Variants in BAIAP2L2 observed in about 807,000 individuals in gnomAD.
BAIAP2L2 encodes the protein BAR/IMD domain-containing adapter protein 2-like 2.
Under a neutral mutation model 60.4 loss-of-function variants are expected in BAIAP2L2, and 65 were observed. That is an observed-to-expected ratio of 1.08 (90% confidence interval 0.88 to 1.32). The LOEUF (loss-of-function observed/expected upper bound fraction) is 1.32. BAIAP2L2 is among the 40% of genes most tolerant of loss of function. BAIAP2L2 has a pLI of 0.00. For synonymous variants in BAIAP2L2, 344 were observed against 301.7 expected (o/e 1.14, Z -1.45); for missense variants, 836 against 741.2 (o/e 1.13, Z -1.48).
At chr22:38,086,660 G>A (rs752303059) in intron 11 of BAIAP2L2, among the ~76,000 whole-genome samples, 32 of 152,076 alleles carry the variant, frequency 2.1e-4, no homozygotes, top group African/African-American at 6.5e-4. Flanking sequence ...GCTCAGGGCC[G>A]GTGGTTCTCC....
intron 1 of BAIAP2L2, among the ~76,000 whole-genome samples, chr22:38,109,567 G>T (rs2086750195): frequency 6.6e-6 from 1 of 152,178 alleles, no homozygotes; most frequent in Non-Finnish European, 1.5e-5. Flanking sequence ...ACTGGGCACG[G>T]CTCAGCCCTG....
Position 38,098,461 on chromosome 22 carries a change from G to A in BAIAP2L2, c.298C>T (p.Leu100=), listed in dbSNP as rs1178029993. ...EVVVQTFHGG[L]LQHMEKNTKL... ...GTGTTCTTCTCCATGTGCTGCAGCA[G>A]GCCTCCATGGAATGTCTGCACCTGA... Residue 100 remains leucine (L), a synonymous_variant, in exon 5 of 14, where the codon CTG becomes TTG. Coordinates refer to ENST00000381669, the MANE Select transcript of BAIAP2L2 (RefSeq NM_025045.6). 1 of 1,613,814 alleles carries A rather than the reference G, an allele frequency of 6.2e-7. No individual in the cohort carries two copies.
In BAIAP2L2 at chr22:38,087,164, G is replaced by GTGTCAT. The variant is rs1555961923; in HGVS notation, c.1218_1219insATGACA (p.Ser406_Pro407insMetThr). 72 of 1,564,482 alleles carry GTGTCAT rather than the reference G, an allele frequency of 4.6e-5. 1 individual carries two copies. The highest frequency in any genetic ancestry group is 9.1e-5 in the East Asian group (4 of 43,850). Reference sequence around the variant, plus strand: ...TTCCCGGGGTTCATGGGTGTCATGGGGGACATGGAGGTCATGGAGGTCATG... The same window carrying GTGTCAT: ...TTCCCGGGGTTCATGGGTGTCATGGGTGTCATGGACATGGAGGTCATGGAGGTCATG... On this transcript the variant is annotated inframe_insertion, in exon 11 of 14. Transcript: ENST00000381669.
At chr22:38,103,353 C>T (rs2086603009) in intron 4 of BAIAP2L2, among the ~76,000 whole-genome samples, 2 of 152,164 alleles carry the variant, frequency 1.3e-5, no homozygotes, top group South Asian at 4.1e-4. Flanking sequence ...CGTTGCACAG[C>T]CACCAAAAAA....
intron 1 of BAIAP2L2, 82 bp downstream of exon 1, chr22:38,110,393 G>T (rs2086818711): frequency 7.1e-7 from 1 of 1,401,130 alleles, no homozygotes; most frequent in Non-Finnish European, 9.9e-7. Flanking sequence ...GCCCCGGCTG[G>T]CCCTCCGTCC....
At chr22:38,087,083 C>T (rs775500327) in intron 11 of BAIAP2L2, 41 bp downstream of exon 11, 44 of 1,486,508 alleles carry the variant, frequency 3.0e-5, no homozygotes, top group Non-Finnish European at 3.5e-5. Context: ...ACACCCTTGC[C>T]GGCGTCCTCA....
intron 4 of BAIAP2L2, among the ~76,000 whole-genome samples, chr22:38,099,405 G>A (rs1810455): frequency 0.35 from 53,581 of 151,876 alleles, 10,602 homozygotes; most frequent in South Asian, 0.53. Context: ...ATGGTGGTGC[G>A]TGCCTGTAAT....
intron 3 of BAIAP2L2, 150 bp from the exon 4 acceptor site, chr22:38,108,063 C>G (rs1239986420): frequency 9.8e-7 from 1 of 1,019,980 alleles, no homozygotes; most frequent in Non-Finnish European, 1.5e-6. Flanking sequence ...TCTCTGGGAG[C>G]CAGGCCATGT....
intron 11 of BAIAP2L2, 77 bp from the exon 12 acceptor site, chr22:38,086,526 C>G: frequency 8.4e-7 from 1 of 1,187,058 alleles, no homozygotes; most frequent in Admixed American, 3.0e-5. Context: ...AGCTGGGGCA[C>G]CTTAGGCAGG....
upstream of BAIAP2L2, among the ~76,000 whole-genome samples, chr22:38,110,941 G>A (rs551538003): frequency 3.3e-5 from 5 of 152,264 alleles, no homozygotes; most frequent in Non-Finnish European, 5.9e-5. Flanking sequence ...CTGGGCGGGC[G>A]CTGCCCGATG....
intron 4 of BAIAP2L2, among the ~76,000 whole-genome samples, chr22:38,102,763 G>A (rs2086591481): frequency 6.6e-6 from 1 of 151,850 alleles, no homozygotes; most frequent in African/African-American, 2.4e-5. Flanking sequence ...GGCACGGCCG[G>A]GTGCGGTGGC....
intron 2 of BAIAP2L2, 72 bp from the exon 3 acceptor site, chr22:38,108,413 G>T: frequency 8.3e-7 from 1 of 1,211,698 alleles, no homozygotes; most frequent in Non-Finnish European, 1.2e-6. Flanking sequence ...CTTTTCATCT[G>T]GAGGGGACTG....
In BAIAP2L2 at chr22:38,108,282, G is replaced by A. The variant is rs1017600471; in HGVS notation, c.187C>T (p.Leu63=). 8.7e-6 allele frequency: 14 copies of A among 1,612,710 alleles called. No individual in the cohort carries two copies. The highest frequency in any genetic ancestry group is 1.3e-5 in the African/African-American group (1 of 75,058). The change falls in exon 3 of 14, where the codon CTG becomes TTG. Residue 63 remains leucine, a synonymous_variant. Coordinates refer to ENST00000381669, the MANE Select transcript of BAIAP2L2 (RefSeq NM_025045.6). The part of the protein sequence containing the change: ...SAIQKIGERA[L]QSPTSQILGE... ...AGAATCTGTGAGGTGGGGCTCTGCA[G>A]GGCACGCTCCCCAATCTTCTGGATG...
intron 5 of BAIAP2L2, 29 bp from the exon 6 acceptor site, chr22:38,098,208 A>T: frequency 6.2e-7 from 1 of 1,604,508 alleles, no homozygotes; most frequent in Non-Finnish European, 8.5e-7. Flanking sequence ...GGGGAGGGAG[A>T]ATCCCCCCAC....
chr22:38,087,829 C>T (rs1311693955), intron 10 of BAIAP2L2, among the ~76,000 whole-genome samples: 1 of 151,908 alleles, frequency 6.6e-6, no homozygotes, highest in Non-Finnish European at 1.5e-5. Flanking sequence ...CTCCAATCAC[C>T]CATCAGTGTC....
chr22:38,108,325 G>A lies in BAIAP2L2; in HGVS notation c.144C>T (p.Ala48=), dbSNP rs778800237. 2.0e-5 allele frequency: 32 copies of A among 1,612,416 alleles called. No homozygotes were observed. Among genetic ancestry groups the A allele is most frequent in the African/African-American group, 5.3e-5 (4 of 74,928 alleles). Reference sequence around the variant, plus strand: ...TCTGGATGGCACTGAAGTAGACCTCGGCCGCCTCGGACAGAGCTGTGGACC... The same window carrying A: ...TCTGGATGGCACTGAAGTAGACCTCAGCCGCCTCGGACAGAGCTGTGGACC... ...LRAFHALSEA[A]EVYFSAIQKI... Residue 48 remains alanine, a synonymous_variant, in exon 3 of 14, where the codon GCC becomes GCT. Transcript: ENST00000381669.
chr22:38,106,176 G>A (rs1329551917), intron 4 of BAIAP2L2, among the ~76,000 whole-genome samples: 1 of 152,178 alleles, frequency 6.6e-6, no homozygotes, highest in Non-Finnish European at 1.5e-5. Flanking sequence ...GAGCCCAGGG[G>A]CCTTGGGGCC....
intron 7 of BAIAP2L2, chr22:38,094,031 A>G: frequency 2.2e-6 from 1 of 455,746 alleles, no homozygotes; most frequent in South Asian, 1.5e-5. Flanking sequence ...ATTATCCAGC[A>G]GTGAAAAGGA....
intron 7 of BAIAP2L2, among the ~76,000 whole-genome samples, chr22:38,094,744 G>A (rs991911976): frequency 3.3e-5 from 5 of 152,200 alleles, no homozygotes; most frequent in Non-Finnish European, 7.3e-5. Context: ...GCAGATGAGA[G>A]CCTGAGCCGA....
Sources: allele counts gnomAD v4.1 joint callset (sites outside exome capture counted in the v4.1 genomes callset), GRCh38; gene constraint gnomAD v4.1.1; transcripts MANE v1.5; gene names NCBI Gene and HGNC (gene_info 2026-07-23, HGNC 2026-07-21).